The following ATP5MJ variants were observed in gnomAD, a reference collection of about 807,000 sequenced individuals.
The protein encoded by ATP5MJ is ATP synthase membrane subunit j, also known as ATP synthase F(0) complex subunit j, mitochondrial.
A neutral mutation model predicts 8.3 loss-of-function variants in ATP5MJ; 4 were observed. The ratio of observed to expected loss-of-function variants is 0.48; its 90% CI spans 0.24 to 1.11. ATP5MJ has a LOEUF of 1.11. Ranked by LOEUF, ATP5MJ falls within the 50% of genes least tolerant of loss-of-function variation. ATP5MJ has a pLI of 0.18. For missense variants in ATP5MJ, 66 were observed against 71.8 expected, an observed-to-expected ratio of 0.92 and a Z score of 0.29; for synonymous variants, 23 against 21.3, an observed-to-expected ratio of 1.08 and a Z score of -0.23.
intron 1 of ATP5MJ, among the ~76,000 whole-genome samples, chr14:103,918,509 C>T (rs1335826087): frequency 1.3e-5 from 2 of 151,878 alleles, no homozygotes; most frequent in African/African-American, 4.8e-5. Context: ...TACAGGTGCC[C>T]GCCACCACGC....
At chr14:103,916,015 G>A (rs990260651) in intron 1 of ATP5MJ, among the ~76,000 whole-genome samples, 1 of 152,154 alleles carries the variant, frequency 6.6e-6, no homozygotes, top group Non-Finnish European at 1.5e-5. Context: ...AGCTGAAAAA[G>A]AATATGGCCA....
intron 1 of ATP5MJ, among the ~76,000 whole-genome samples, chr14:103,920,295 G>A (rs1347125879): frequency 6.8e-6 from 1 of 147,676 alleles, no homozygotes. Context: ...ACCACACTGG[G>A]CTAATTTTTT....
chr14:103,915,325 C>T (rs772463787), intron 1 of ATP5MJ, 136 bp from the exon 2 acceptor site: 171 of 927,604 alleles, frequency 1.8e-4, no homozygotes, highest in Non-Finnish European at 2.5e-4. Flanking sequence ...ATGTCAGACC[C>T]GTTCTGCACT....
At chr14:103,914,849 A>AAAAAAAAAAAAAAAAG (rs1428791290) in intron 2 of ATP5MJ, 52 of 365,116 alleles carry the variant, frequency 1.4e-4, no homozygotes, top group Admixed American at 4.5e-4. Flanking sequence ...AAAAAAAAAA[A>AAAAAAAAAAAAAAAAG]AAAAAAAAGA....
intron 3 of ATP5MJ, 168 bp from the exon 4 acceptor site, chr14:103,912,862 G>A: frequency 1.5e-6 from 1 of 671,854 alleles, no homozygotes; most frequent in Non-Finnish European, 2.5e-6. Context: ...CACCCAGAGT[G>A]CTTAAGGGTT....
rs1019798450 is a variant in ATP5MJ, at chr14:103,912,475, G to C, written c.*191C>G. The C allele has an allele frequency of 7.8e-6, 5 of 637,856 alleles. No homozygotes were observed. The highest frequency in any genetic ancestry group is 5.2e-5 in the Admixed American group (2 of 38,796). The allele number at this position is 637,856 out of a possible 1,614,324, so 39.5% of individuals were successfully genotyped here. A position where few individuals can be genotyped will look rare whatever the true frequency, so the allele number is the denominator to read the frequency against. ...TCAGAGTATGCCTGACACGCCGGAGGGGCTGAGGGGGAACACACTGAAAGC... is the reference window on the plus strand; with the variant it reads ...TCAGAGTATGCCTGACACGCCGGAGCGGCTGAGGGGGAACACACTGAAAGC... On this transcript the variant is annotated 3_prime_UTR_variant, in exon 4 of 4. Coordinates refer to ENST00000286953, the MANE Select transcript of ATP5MJ (RefSeq NM_004894.3).
chr14:103,916,320 C>T (rs141161756), intron 1 of ATP5MJ, among the ~76,000 whole-genome samples: 27 of 152,246 alleles, frequency 1.8e-4, no homozygotes, highest in African/African-American at 5.3e-4. Context: ...TACTATAGAC[C>T]GCAAATTAGA....
intron 1 of ATP5MJ, among the ~76,000 whole-genome samples, chr14:103,916,262 G>A (rs1393795425): frequency 6.6e-6 from 1 of 152,194 alleles, no homozygotes; most frequent in East Asian, 1.9e-4. Flanking sequence ...TTGCTTGTAT[G>A]TGCAGGTCTC....
At chr14:103,914,837 CAAAAAAAAAAA>C (rs35916279) in intron 2 of ATP5MJ, 4 of 191,092 alleles carry the variant, frequency 2.1e-5, no homozygotes, top group South Asian at 6.7e-5. Flanking sequence ...AGACTGTCTC[CAAAAAAAAAAA>C]AAAAAAAAAG....
At chr14:103,916,481 C>T (rs530046756) in intron 1 of ATP5MJ, among the ~76,000 whole-genome samples, 1 of 152,100 alleles carries the variant, frequency 6.6e-6, no homozygotes, top group Admixed American at 6.6e-5. Flanking sequence ...GCCTGTAATC[C>T]CAGCGCTTTG....
At chr14:103,919,828 GCCC>G (rs199783768) in intron 1 of ATP5MJ, among the ~76,000 whole-genome samples, 29 of 150,340 alleles carry the variant, frequency 1.9e-4, no homozygotes, top group African/African-American at 7.1e-4. Flanking sequence ...TAAAACGAGG[GCCC>G]CCCCTTTTTT....
intron 2 of ATP5MJ, chr14:103,914,595 G>A (rs2087607853): frequency 7.5e-6 from 5 of 664,186 alleles, no homozygotes; most frequent in Non-Finnish European, 1.4e-5. Flanking sequence ...GAGCCCAGGA[G>A]TTCAAGACCA....
At chr14:103,919,795 A>T (rs2087657936) in intron 1 of ATP5MJ, among the ~76,000 whole-genome samples, 1 of 151,904 alleles carries the variant, frequency 6.6e-6, no homozygotes, top group Admixed American at 6.6e-5. Context: ...TGCCTGGACA[A>T]GTGACATGTT....
chr14:103,917,683 T>A (rs944531609), intron 1 of ATP5MJ, among the ~76,000 whole-genome samples: 1 of 152,096 alleles, frequency 6.6e-6, no homozygotes, highest in African/African-American at 2.4e-5. Context: ...CAGGCAAGAA[T>A]GGGGAGGCCA....
intron 2 of ATP5MJ, chr14:103,914,350 A>T: frequency 1.9e-6 from 1 of 535,314 alleles, no homozygotes; most frequent in East Asian, 2.9e-5. Context: ...TTACAAACAA[A>T]TTTCAAATAT....
At chr14:103,921,420 GC>G (rs905691446) in intron 1 of ATP5MJ, 49 bp downstream of exon 1, 16 of 225,020 alleles carry the variant, frequency 7.1e-5, no homozygotes, top group African/African-American at 2.9e-4. Context: ...TCGCCCTCCC[GC>G]CCCCGCCGTC....
At chr14:103,920,381 C>A (rs2087666453) in intron 1 of ATP5MJ, among the ~76,000 whole-genome samples, 1 of 151,814 alleles carries the variant, frequency 6.6e-6, no homozygotes, top group Non-Finnish European at 1.5e-5. Flanking sequence ...ATCCGCCCGC[C>A]TCGGCCTCCC....
intron 1 of ATP5MJ, chr14:103,920,928 G>A (rs757923347): frequency 6.5e-7 from 1 of 1,542,836 alleles, no homozygotes. Context: ...TACATTAAGG[G>A]CGAACTATTA....
At chr14:103,913,182 T>TGGTGGCGGGCAC (rs1393106359) in intron 3 of ATP5MJ, 1 of 155,596 alleles carries the variant, frequency 6.4e-6, no homozygotes, top group Non-Finnish European at 1.4e-5. Context: ...TAGCCGGGTA[T>TGGTGGCGGGCAC]GGTGGCGGGC....
Sources: gnomAD v4.1 joint callset for allele counts (sites outside exome capture counted in the v4.1 genomes callset) on GRCh38, gnomAD v4.1.1 for gene constraint, MANE v1.5 for transcripts, NCBI Gene and HGNC (gene_info 2026-07-23, HGNC 2026-07-21) for gene names.